The following PTPRK variants were observed in gnomAD, a reference collection of about 807,000 sequenced individuals.
PTPRK encodes receptor-type tyrosine-protein phosphatase kappa.
A neutral mutation model predicts 178.0 loss-of-function variants in PTPRK; 75 were observed. That is an observed-to-expected ratio of 0.42 (90% CI 0.35 to 0.51). The LOEUF (loss-of-function observed/expected upper bound fraction) is 0.51, where lower values mean the gene tolerates loss of function less well. Ranked by LOEUF, PTPRK falls within the 20% of genes least tolerant of loss-of-function variation. PTPRK has a pLI of 0.02. For missense variants in PTPRK, 1,441 were observed against 1,797.8 expected (o/e 0.80, Z 3.59); for synonymous variants, 637 against 620.6 (o/e 1.03, Z -0.39).
At chr6:128,471,230 C>T (rs1273163428) in intron 1 of PTPRK, among the ~76,000 whole-genome samples, 3 of 151,894 alleles carry the variant, frequency 2.0e-5, no homozygotes, top group Non-Finnish European at 2.9e-5. Context: ...AGAAATATGC[C>T]ACACATCAAG....
At chr6:128,102,792 T>G (rs993312797) in intron 7 of PTPRK, among the ~76,000 whole-genome samples, 4 of 152,200 alleles carry the variant, frequency 2.6e-5, no homozygotes, top group African/African-American at 9.6e-5. Flanking sequence ...CTAATGTGAT[T>G]CCATAGCATG....
chr6:128,362,039 C>G (rs759581705), intron 2 of PTPRK, among the ~76,000 whole-genome samples: 1 of 152,074 alleles, frequency 6.6e-6, no homozygotes, highest in Non-Finnish European at 1.5e-5. Context: ...TTAGGCCATT[C>G]TTGCAATTAC....
chr6:128,108,865 G>A (rs1416533250), intron 7 of PTPRK, among the ~76,000 whole-genome samples: 5 of 152,016 alleles, frequency 3.3e-5, no homozygotes, highest in Admixed American at 6.6e-5. Context: ...GTCCTTACAC[G>A]ACAGAGAATG....
intron 1 of PTPRK, among the ~76,000 whole-genome samples, chr6:128,509,556 C>A (rs1675436828): frequency 6.6e-6 from 1 of 152,118 alleles, no homozygotes; most frequent in South Asian, 2.1e-4. Flanking sequence ...CTATTCCTAA[C>A]AAAATTTACA....
intron 2 of PTPRK, among the ~76,000 whole-genome samples, chr6:128,389,514 A>T (rs1214557891): frequency 6.6e-6 from 1 of 150,746 alleles, no homozygotes; most frequent in East Asian, 2.0e-4. Context: ...GTACCTACCT[A>T]TCTTGAGTCA....
chr6:128,263,096 G>C (rs1818422285), intron 3 of PTPRK, among the ~76,000 whole-genome samples: 1 of 152,024 alleles, frequency 6.6e-6, no homozygotes, highest in Admixed American at 6.6e-5. Context: ...CACCCCACAG[G>C]AACGCTCCCT....
intron 2 of PTPRK, among the ~76,000 whole-genome samples, chr6:128,339,062 A>G (rs1831323314): frequency 6.6e-6 from 1 of 152,138 alleles, no homozygotes; most frequent in Non-Finnish European, 1.5e-5. Context: ...TAAATAAAAT[A>G]TAAGAGTCAA....
At chr6:128,276,288 T>C (rs1281924770) in intron 3 of PTPRK, among the ~76,000 whole-genome samples, 3 of 152,114 alleles carry the variant, frequency 2.0e-5, no homozygotes, top group African/African-American at 7.2e-5. Flanking sequence ...AGCAGAAATA[T>C]TGTCTTTGAC....
intron 2 of PTPRK, among the ~76,000 whole-genome samples, chr6:128,328,080 T>G (rs1413364959): frequency 6.6e-6 from 1 of 152,200 alleles, no homozygotes; most frequent in Non-Finnish European, 1.5e-5. Flanking sequence ...GTCTGCTACA[T>G]GCACACAGCT....
intron 3 of PTPRK, among the ~76,000 whole-genome samples, chr6:128,259,038 A>G (rs1817778054): frequency 6.6e-6 from 1 of 152,050 alleles, no homozygotes; most frequent in Non-Finnish European, 1.5e-5. Flanking sequence ...TGAGGAGAAG[A>G]GCCTCAGAGA....
chr6:128,107,382 T>C (rs1789898580), intron 7 of PTPRK, among the ~76,000 whole-genome samples: 1 of 152,108 alleles, frequency 6.6e-6, no homozygotes, highest in African/African-American at 2.4e-5. Context: ...AAAACTATAA[T>C]TCAATTCTCT....
intron 1 of PTPRK, among the ~76,000 whole-genome samples, chr6:128,420,140 T>C (rs1256769368): frequency 6.6e-6 from 1 of 152,218 alleles, no homozygotes; most frequent in African/African-American, 2.4e-5. Flanking sequence ...GCTTAAAATG[T>C]AGCTACCTGT....
chr6:128,256,084 G>A (rs1817255989), intron 3 of PTPRK, among the ~76,000 whole-genome samples: 1 of 152,184 alleles, frequency 6.6e-6, no homozygotes, highest in Non-Finnish European at 1.5e-5. Context: ...ACTAATATCT[G>A]ACAGAAAGAA....
intron 3 of PTPRK, among the ~76,000 whole-genome samples, chr6:128,243,790 T>C (rs1174923171): frequency 6.6e-6 from 1 of 152,192 alleles, no homozygotes; most frequent in South Asian, 2.1e-4. Flanking sequence ...CCTTTATTCA[T>C]GGGGATACAT....
At chr6:128,354,416 T>C (rs562425105) in intron 2 of PTPRK, among the ~76,000 whole-genome samples, 9 of 151,886 alleles carry the variant, frequency 5.9e-5, no homozygotes, top group African/African-American at 2.2e-4. Context: ...CTTGTATTTT[T>C]AGTAGAGACG....
chr6:128,438,127 A>G (rs977214401), intron 1 of PTPRK, among the ~76,000 whole-genome samples: 8 of 152,230 alleles, frequency 5.3e-5, no homozygotes, highest in Non-Finnish European at 1.2e-4. Flanking sequence ...CGTGTTGTTC[A>G]AGGGTCGGCT....
intron 1 of PTPRK, among the ~76,000 whole-genome samples, chr6:128,499,477 G>A (rs1451674574): frequency 6.6e-6 from 1 of 152,156 alleles, no homozygotes; most frequent in Non-Finnish European, 1.5e-5. Context: ...AATTATACAC[G>A]AATTGAGGAT....
At chr6:128,317,951 G>A (rs1828251135) in intron 3 of PTPRK, among the ~76,000 whole-genome samples, 1 of 152,098 alleles carries the variant, frequency 6.6e-6, no homozygotes, top group Non-Finnish European at 1.5e-5. Context: ...CTAATAAATA[G>A]ACAACAAACA....
chr6:127,990,744 T>C (rs1355243639), intron 21 of PTPRK, 25 bp downstream of exon 21: 6 of 1,488,308 alleles, frequency 4.0e-6, no homozygotes, highest in Non-Finnish European at 4.7e-6. Flanking sequence ...TATCACTTTT[T>C]AAAATAGAAT....
Sources: allele counts gnomAD v4.1 joint callset (sites outside exome capture counted in the v4.1 genomes callset), GRCh38; gene constraint gnomAD v4.1.1; transcripts MANE v1.5; gene names NCBI Gene and HGNC (gene_info 2026-07-23, HGNC 2026-07-21).